The following PXDNL variants were observed in gnomAD, a reference collection of about 807,000 sequenced individuals.
The protein encoded by PXDNL is peroxidasin like.
In PXDNL, 145 loss-of-function variants were observed where a neutral mutation model predicts 150.8. The ratio of observed to expected loss-of-function variants is 0.96; its 90% CI spans 0.84 to 1.10. The LOEUF (loss-of-function observed/expected upper bound fraction) is 1.10, where lower values mean the gene tolerates loss of function less well. Ranked by LOEUF, PXDNL falls within the 50% of genes least tolerant of loss-of-function variation. The pLI, the probability that PXDNL is intolerant of heterozygous loss-of-function variation, is 0.00. For missense variants in PXDNL, 2,087 were observed against 1,873.9 expected, an observed-to-expected ratio of 1.11 and a Z score of -2.10; for synonymous variants, 757 against 725.7, an observed-to-expected ratio of 1.04 and a Z score of -0.69.
chr8:51,417,348 C>A (rs1414652965), intron 14 of PXDNL, among the ~76,000 whole-genome samples: 1 of 152,192 alleles, frequency 6.6e-6, no homozygotes, highest in Non-Finnish European at 1.5e-5. Context: ...CCTATCCCTG[C>A]ATCTATGAGG....
At chr8:51,573,163 T>C (rs1185098810) in intron 3 of PXDNL, among the ~76,000 whole-genome samples, 3 of 151,980 alleles carry the variant, frequency 2.0e-5, no homozygotes, top group African/African-American at 7.2e-5. Flanking sequence ...AAACTATGGT[T>C]GCACTCCCAC....
intron 4 of PXDNL, among the ~76,000 whole-genome samples, chr8:51,516,402 G>A (rs1811540605): frequency 1.3e-5 from 2 of 152,192 alleles, no homozygotes; most frequent in South Asian, 4.1e-4. Context: ...CTGGGCGTCT[G>A]TGAGTATCTT....
chr8:51,667,398 T>C (rs755230571), intron 1 of PXDNL, among the ~76,000 whole-genome samples: 4 of 152,220 alleles, frequency 2.6e-5, no homozygotes, highest in Non-Finnish European at 5.9e-5. Flanking sequence ...CAACCCTCCA[T>C]GTTAGTTTTA....
At chr8:51,691,644 A>G (rs1816001991) in intron 1 of PXDNL, among the ~76,000 whole-genome samples, 1 of 152,174 alleles carries the variant, frequency 6.6e-6, no homozygotes, top group African/African-American at 2.4e-5. Flanking sequence ...GAAGGTCATG[A>G]AAAGTCATTA....
At chr8:51,342,888 A>G (rs1415632298) in intron 20 of PXDNL, among the ~76,000 whole-genome samples, 3 of 151,686 alleles carry the variant, frequency 2.0e-5, no homozygotes, top group Non-Finnish European at 4.4e-5. Flanking sequence ...TCAAAAAAAA[A>G]AAAAAAAAAA....
intron 22 of PXDNL, among the ~76,000 whole-genome samples, 159 bp from the exon 23 acceptor site, chr8:51,320,181 C>G (rs1805275806): frequency 6.6e-6 from 1 of 152,172 alleles, no homozygotes; most frequent in Non-Finnish European, 1.5e-5. Context: ...GGTTTCTATT[C>G]ATTCTTTCTT....
At chr8:51,537,077 T>A (rs543477311) in intron 4 of PXDNL, among the ~76,000 whole-genome samples, 1 of 152,272 alleles carries the variant, frequency 6.6e-6, no homozygotes, top group Non-Finnish European at 1.5e-5. Flanking sequence ...CAAACATAAA[T>A]CCCAGATAAG....
chr8:51,608,409 AAAGG>A (rs1183050122), intron 2 of PXDNL, among the ~76,000 whole-genome samples: 9 of 146,744 alleles, frequency 6.1e-5, no homozygotes, highest in South Asian at 2.1e-4. Flanking sequence ...AAAAAGAAAG[AAAGG>A]AAGGAAGGAA....
chr8:51,487,617 A>G (rs539287231), intron 5 of PXDNL, among the ~76,000 whole-genome samples: 1 of 152,304 alleles, frequency 6.6e-6, no homozygotes, highest in South Asian at 2.1e-4. Context: ...AACATTTTAA[A>G]CCACATGGCT....
At chr8:51,718,656 TG>T (rs1304583077) in intron 1 of PXDNL, among the ~76,000 whole-genome samples, 1 of 152,206 alleles carries the variant, frequency 6.6e-6, no homozygotes, top group Non-Finnish European at 1.5e-5. Context: ...AAGTATGCTG[TG>T]ACATCTCATT....
chr8:51,730,442 T>G (rs1379437609), intron 1 of PXDNL, among the ~76,000 whole-genome samples: 1 of 152,184 alleles, frequency 6.6e-6, no homozygotes, highest in Non-Finnish European at 1.5e-5. Flanking sequence ...AAGCCTTATT[T>G]TGGAGTGATA....
chr8:51,320,861 AC>A lies in PXDNL; in HGVS notation c.4182del (p.Cys1395ValfsTer16), dbSNP rs762061589. ...CTTGGAACCCCTCTAACATCTGTAC[AC>A]CCTGCCTGCCTCAGGCGTGCCTCCA... is the stretch of plus-strand genomic sequence containing the variant. ...NKLEARLRQA[G>X]CTDVRGVPRK... On this transcript the variant is annotated frameshift_variant, in exon 22 of 23. Transcript: ENST00000356297. LOFTEE classifies it high-confidence loss of function. The A allele has an allele frequency of 8.7e-6, 14 of 1,613,714 alleles. No homozygotes were observed. The highest frequency in any genetic ancestry group is 5.9e-6 in the Non-Finnish European group (7 of 1,179,844).
At chr8:51,658,344 G>GAAAAAAAAA (rs34771782) in intron 1 of PXDNL, among the ~76,000 whole-genome samples, 263 of 94,168 alleles carry the variant, frequency 2.8e-3, no homozygotes, top group Non-Finnish European at 3.9e-3. Flanking sequence ...CCTGTCTCAA[G>GAAAAAAAAA]AAAAAAAAAA....
chr8:51,642,931 T>A (rs1006178078), intron 2 of PXDNL, among the ~76,000 whole-genome samples: 3 of 152,088 alleles, frequency 2.0e-5, no homozygotes, highest in African/African-American at 4.8e-5. Flanking sequence ...ATGAGTGAAA[T>A]CCCATTCACA....
chr8:51,511,886 T>C (rs932790278), intron 4 of PXDNL, among the ~76,000 whole-genome samples: 2 of 152,188 alleles, frequency 1.3e-5, no homozygotes, highest in African/African-American at 4.8e-5. Flanking sequence ...CAGTATACTG[T>C]ATCTGCTATA....
intron 3 of PXDNL, among the ~76,000 whole-genome samples, chr8:51,560,510 A>G (rs1300666729): frequency 6.6e-6 from 1 of 151,976 alleles, no homozygotes; most frequent in Non-Finnish European, 1.5e-5. Context: ...CCTTGCATAT[A>G]TGGTCAAATG....
At chr8:51,335,720 C>CACAT (rs3223363) in intron 21 of PXDNL, among the ~76,000 whole-genome samples, 1 of 151,274 alleles carries the variant, frequency 6.6e-6, no homozygotes, top group Admixed American at 6.6e-5. Flanking sequence ...CACACACACA[C>CACAT]ATCCATGCCC....
At chr8:51,480,009 A>G (rs1585507980) in intron 6 of PXDNL, among the ~76,000 whole-genome samples, 2 of 152,288 alleles carry the variant, frequency 1.3e-5, no homozygotes, top group African/African-American at 4.8e-5. Flanking sequence ...GGAAATAAAG[A>G]CTTGAAGAAA....
chr8:51,565,309 A>AATAG (rs1163073223), intron 3 of PXDNL, among the ~76,000 whole-genome samples: 1 of 135,752 alleles, frequency 7.4e-6, no homozygotes, highest in Non-Finnish European at 1.5e-5. Flanking sequence ...TAAATAAATA[A>AATAG]ATAAATAAAT....
Sources: gnomAD v4.1 joint callset for allele counts (sites outside exome capture counted in the v4.1 genomes callset) on GRCh38, gnomAD v4.1.1 for gene constraint, MANE v1.5 for transcripts, NCBI Gene and HGNC (gene_info 2026-07-23, HGNC 2026-07-21) for gene names.